The following RP1 variants were observed in gnomAD, a reference collection of about 807,000 sequenced individuals.
RP1 encodes the protein oxygen-regulated protein 1.
In RP1, 16 loss-of-function variants were observed where a neutral mutation model predicts 14.8. That is an observed-to-expected ratio of 1.08 (90% CI 0.73 to 1.65). The LOEUF is 1.65. Among genes scored for constraint, RP1 ranks in the 40% most tolerant of loss-of-function variants. The pLI, the probability that RP1 is intolerant of heterozygous loss-of-function variation, is 0.00. For missense variants in RP1, 2,631 were observed against 2,535.0 expected, an observed-to-expected ratio of 1.04 and a Z score of -0.81; for synonymous variants, 876 against 883.6, an observed-to-expected ratio of 0.99 and a Z score of 0.15.
Position 54,621,486 on chromosome 8 carries a change from A to T in RP1, c.520A>T (p.Arg174Trp), listed in dbSNP as rs771198518. The change falls in exon 2 of 4, where the codon AGG (arginine) becomes TGG (tryptophan). Residue 174 changes from arginine (R) to tryptophan (W), a missense_variant. Physicochemically the swap from Arg to Trp is moderately radical, Grantham distance 101. Coordinates refer to ENST00000220676, the MANE Select transcript of RP1 (RefSeq NM_006269.2). The part of the protein sequence containing the change: ...PKTRRAVLLS[R>W]RVTQSFEAFL... ...GACGAGGCGTGCGGTTCTTCTGAGCAGGAGGGTCACCCAGAGCTTCGAGGC... is the reference window on the plus strand; with the variant it reads ...GACGAGGCGTGCGGTTCTTCTGAGCTGGAGGGTCACCCAGAGCTTCGAGGC... 4 of 1,614,080 alleles carry T rather than the reference A, an allele frequency of 2.5e-6. No homozygotes were observed. The highest frequency in any genetic ancestry group is 3.4e-6 in the Non-Finnish European group (4 of 1,180,026).
At chr8:54,735,137 C>A (rs935634946) in intron 18 of RP1, among the ~76,000 whole-genome samples, 1 of 152,066 alleles carries the variant, frequency 6.6e-6, no homozygotes, top group Non-Finnish European at 1.5e-5. Flanking sequence ...CTATACAGGT[C>A]TGAAATTATT....
intron 23 of RP1, among the ~76,000 whole-genome samples, chr8:54,780,198 G>A (rs1359080043): frequency 2.6e-5 from 4 of 152,216 alleles, no homozygotes; most frequent in African/African-American, 9.6e-5. Flanking sequence ...AAACAAATGA[G>A]CATGGCGTCA....
chr8:54,838,860 CTACTT>C (rs1811728240), intron 25 of RP1, among the ~76,000 whole-genome samples: 1 of 152,140 alleles, frequency 6.6e-6, no homozygotes, highest in Non-Finnish European at 1.5e-5. Context: ...GTCATGCAAG[CTACTT>C]AGCCTCCCTT....
intron 20 of RP1, chr8:54,754,960 T>G: frequency 6.8e-7 from 1 of 1,480,614 alleles, no homozygotes; most frequent in Non-Finnish European, 8.9e-7. Flanking sequence ...TTCAGTAGCA[T>G]CTATTCCATA....
chr8:54,662,458 T>G (rs1027760493), intron 6 of RP1, among the ~76,000 whole-genome samples: 1 of 152,186 alleles, frequency 6.6e-6, no homozygotes, highest in African/African-American at 2.4e-5. Flanking sequence ...AAGACCCTAC[T>G]GAAGCCCAGT....
chr8:54,781,139 T>C (rs1294803101), intron 23 of RP1: 1 of 544,932 alleles, frequency 1.8e-6, no homozygotes, highest in African/African-American at 2.1e-5. Context: ...GACATTGCTA[T>C]AGTATCTCCC....
At position 54,844,807 on chromosome 8, in the gene RP1, C is replaced by T. The variant is rs115738200; in HGVS notation, c.3835+7138C>T. Among the ~76,000 whole-genome samples the T allele has an allele frequency of 1.7e-3, 259 of 152,200 alleles. 1 individual carries two copies. The highest frequency in any genetic ancestry group is 6.0e-3 in the African/African-American group (248 of 41,506). On this transcript the variant is annotated intron_variant, in intron 25 of 28. Transcript: ENST00000637698. ...GATTTGTTAAATGGAGAATATTTCC[C>T]GAGCAGATTGAGGAGATTGAGAAAT...
intron 19 of RP1, among the ~76,000 whole-genome samples, chr8:54,749,377 T>C (rs995443386): frequency 6.6e-6 from 1 of 151,402 alleles, no homozygotes; most frequent in Non-Finnish European, 1.5e-5. Flanking sequence ...ATATAGATGG[T>C]GGCAATTGTT....
intron 12 of RP1, among the ~76,000 whole-genome samples, chr8:54,687,727 C>T (rs752771094): frequency 9.2e-5 from 14 of 151,978 alleles, no homozygotes; most frequent in South Asian, 2.1e-4. Context: ...GCATTTGTGT[C>T]GGTTCCAAGA....
intron 1 of RP1, among the ~76,000 whole-genome samples, chr8:54,572,055 T>C (rs1307571313): frequency 1.3e-5 from 2 of 152,240 alleles, no homozygotes; most frequent in Non-Finnish European, 2.9e-5. Flanking sequence ...ACTCAGTTTA[T>C]AACACATTAT....
At chr8:54,689,936 C>A (rs751734280) in intron 12 of RP1, among the ~76,000 whole-genome samples, 4 of 152,038 alleles carry the variant, frequency 2.6e-5, no homozygotes, top group Non-Finnish European at 5.9e-5. Flanking sequence ...AGAATTATTT[C>A]ATAGGGGATA....
intron 25 of RP1, among the ~76,000 whole-genome samples, chr8:54,847,952 A>G (rs974268543): frequency 6.6e-6 from 1 of 152,062 alleles, no homozygotes; most frequent in Non-Finnish European, 1.5e-5. Flanking sequence ...CACTTCTATT[A>G]CTTCTGTGTC....
intron 13 of RP1, among the ~76,000 whole-genome samples, chr8:54,700,485 T>G (rs968188768): frequency 6.6e-6 from 1 of 152,084 alleles, no homozygotes; most frequent in South Asian, 2.1e-4. Flanking sequence ...CCATGAAGCC[T>G]TTTCTTCTCT....
At chr8:54,640,287 T>A (rs28437942) in intron 3 of RP1, among the ~76,000 whole-genome samples, 1 of 152,050 alleles carries the variant, frequency 6.6e-6, no homozygotes, top group African/African-American at 2.4e-5. Flanking sequence ...TGTGTAGGGG[T>A]GCATTTCTGC....
At chr8:54,790,368 G>T (rs575427022) in intron 24 of RP1, among the ~76,000 whole-genome samples, 3 of 152,188 alleles carry the variant, frequency 2.0e-5, no homozygotes, top group Non-Finnish European at 4.4e-5. Context: ...AACCTGTAAA[G>T]TCTGGAATAC....
chr8:54,607,662 C>T (rs1160870489), intron 1 of RP1, among the ~76,000 whole-genome samples: 1 of 152,200 alleles, frequency 6.6e-6, no homozygotes, highest in African/African-American at 2.4e-5. Flanking sequence ...TAGAGGCAGG[C>T]AGGCCTCCTT....
intron 14 of RP1, chr8:54,701,799 A>G (rs1426407438): frequency 2.6e-6 from 2 of 757,570 alleles, no homozygotes; most frequent in Non-Finnish European, 4.1e-6. Flanking sequence ...GCCTATTTCC[A>G]TTCTGTTTGG....
intron 17 of RP1, among the ~76,000 whole-genome samples, chr8:54,732,760 T>C (rs1170503454): frequency 6.6e-6 from 1 of 152,186 alleles, no homozygotes; most frequent in Non-Finnish European, 1.5e-5. Flanking sequence ...TGGCCAAATG[T>C]TCACATGTAA....
At chr8:54,617,681 C>T (rs1255334096) in intron 1 of RP1, among the ~76,000 whole-genome samples, 1 of 152,172 alleles carries the variant, frequency 6.6e-6, no homozygotes, top group Admixed American at 6.5e-5. Context: ...TACCCCCAAT[C>T]CCTGAGGCTG....
Sources: allele counts gnomAD v4.1 joint callset (sites outside exome capture counted in the v4.1 genomes callset), GRCh38; gene constraint gnomAD v4.1.1; transcripts MANE v1.5; gene names NCBI Gene and HGNC (gene_info 2026-07-23, HGNC 2026-07-21).